Variants in FBN2 observed in about 807,000 individuals in gnomAD.
FBN2 encodes fibrillin-2.
FBN2 carries 105 observed loss-of-function variants against 355.6 expected under a neutral mutation model. The ratio of observed to expected loss-of-function variants is 0.30; its 90% CI spans 0.25 to 0.35. The LOEUF is 0.35. Among genes scored for constraint, FBN2 ranks in the 10% least tolerant of loss-of-function variants. The probability of loss-of-function intolerance (pLI) is 1.00; values close to 1 mark genes in which losing one functional copy is unlikely to be tolerated. For missense variants in FBN2, 3,280 were observed against 3,758.7 expected, an observed-to-expected ratio of 0.87 and a Z score of 3.33; for synonymous variants, 1,350 against 1,301.2, an observed-to-expected ratio of 1.04 and a Z score of -0.81.
At chr5:128,298,127 T>C (rs1400244071) in intron 48 of FBN2, among the ~76,000 whole-genome samples, 6,389 of 151,640 alleles carry the variant, frequency 0.042, 423 homozygotes, top group African/African-American at 0.14. Context: ...AAATTCTGGG[T>C]TGAAAATTCT....
intron 5 of FBN2, among the ~76,000 whole-genome samples, chr5:128,484,201 T>C (rs1036216680): frequency 6.6e-6 from 1 of 152,252 alleles, no homozygotes; most frequent in African/African-American, 2.4e-5. Context: ...CAAGTCCTTC[T>C]AAGTTATTAC....
In FBN2 at chr5:128,350,949, T is replaced by C. The variant is rs368766120; in HGVS notation, c.2731A>G (p.Ile911Val). The change falls in exon 21 of 65, where the codon ATT (isoleucine) becomes GTT (valine). Residue 911 changes from isoleucine (I) to valine (V), a missense_variant. Physicochemically the swap from Ile to Val is conservative, Grantham distance 29. Coordinates refer to ENST00000262464, the MANE Select transcript of FBN2 (RefSeq NM_001999.4). ...NIQDSRCEVN[I>V]NGATLKSECC... Reference sequence around the variant, plus strand: ...TCAGATTTCAGAGTGGCTCCATTAATATTCACCTCACAGCGGCTGTCCTGG... The same window carrying C: ...TCAGATTTCAGAGTGGCTCCATTAACATTCACCTCACAGCGGCTGTCCTGG... The C allele has an allele frequency of 6.8e-6, 11 of 1,614,054 alleles. No individual in the cohort carries two copies. The highest frequency in any genetic ancestry group is 9.3e-6 in the Non-Finnish European group (11 of 1,180,040).
At chr5:128,479,976 C>CTATATATATA (rs200921131) in intron 5 of FBN2, among the ~76,000 whole-genome samples, 2 of 29,064 alleles carry the variant, frequency 6.9e-5, no homozygotes, top group Non-Finnish European at 1.2e-4. Flanking sequence ...CTCTCTCTCT[C>CTATATATATA]TATATATATA....
intron 5 of FBN2, among the ~76,000 whole-genome samples, chr5:128,482,133 AT>A (rs1755210262): frequency 6.6e-6 from 1 of 152,202 alleles, no homozygotes; most frequent in African/African-American, 2.4e-5. Context: ...TATAGAGCTC[AT>A]AAAAACCATA....
intron 5 of FBN2, among the ~76,000 whole-genome samples, chr5:128,488,573 C>T (rs748268696): frequency 5.3e-5 from 8 of 151,814 alleles, no homozygotes; most frequent in Non-Finnish European, 7.4e-5. Flanking sequence ...CATATGCATA[C>T]ATGTGCCATG....
intron 5 of FBN2, among the ~76,000 whole-genome samples, chr5:128,489,235 G>A (rs939110921): frequency 1.3e-5 from 2 of 152,108 alleles, no homozygotes; most frequent in African/African-American, 4.8e-5. Flanking sequence ...AAGTTTGTTA[G>A]AAATGAATAT....
At chr5:128,471,449 C>A (rs1413104367) in intron 5 of FBN2, among the ~76,000 whole-genome samples, 1 of 152,076 alleles carries the variant, frequency 6.6e-6, no homozygotes, top group Non-Finnish European at 1.5e-5. Context: ...ATCAAATAAA[C>A]TCAAATAACT....
chr5:128,311,216 G>T, intron 39 of FBN2, 84 bp downstream of exon 39: 1 of 1,414,258 alleles, frequency 7.1e-7, no homozygotes, highest in Non-Finnish European at 1.0e-6. Context: ...TTTGTAGAAT[G>T]TGAGGATGGG....
chr5:128,446,342 C>T lies in FBN2; in HGVS notation c.952+139G>A, dbSNP rs561312721. 11 of 898,438 alleles carry T rather than the reference C, an allele frequency of 1.2e-5. No homozygotes were observed. In the South Asian group the frequency reaches 1.4e-4, roughly 11 times the overall value. 55.7% of individuals were successfully genotyped at this position (898,438 alleles called of 1,614,324 possible). A position where few individuals can be genotyped will look rare whatever the true frequency, so the allele number is the denominator to read the frequency against. ...GCTACAATACACAAACACAGAACTA[C>T]TCTAGGCTTAAACCTATGCTTTCAT... On this transcript the variant is annotated intron_variant, in intron 7 of 64. Coordinates refer to ENST00000262464, the MANE Select transcript of FBN2 (RefSeq NM_001999.4).
chr5:128,483,826 G>C (rs1755260046), intron 5 of FBN2, among the ~76,000 whole-genome samples: 1 of 152,150 alleles, frequency 6.6e-6, no homozygotes, highest in African/African-American at 2.4e-5. Context: ...AAATGTTAAA[G>C]TATATAGCAA....
At chr5:128,391,945 A>G in intron 11 of FBN2, 73 bp downstream of exon 11, 1 of 1,380,476 alleles carries the variant, frequency 7.2e-7, no homozygotes, top group Non-Finnish European at 1.0e-6. Context: ...AATCATATTC[A>G]TTCCAATTTG....
intron 63 of FBN2, among the ~76,000 whole-genome samples, chr5:128,263,132 T>C (rs536096602): frequency 3.3e-5 from 5 of 151,688 alleles, no homozygotes; most frequent in Admixed American, 2.0e-4. Flanking sequence ...AAGCATCTGT[T>C]TGTCTCTGGC....
intron 48 of FBN2, among the ~76,000 whole-genome samples, chr5:128,295,197 C>T (rs1481423037): frequency 1.7e-3 from 253 of 148,034 alleles, no homozygotes; most frequent in African/African-American, 6.0e-3. Flanking sequence ...TGATCTATAT[C>T]TCTGTTTTGG....
intron 5 of FBN2, among the ~76,000 whole-genome samples, chr5:128,482,506 C>T (rs1309665435): frequency 6.6e-6 from 1 of 152,068 alleles, no homozygotes; most frequent in Non-Finnish European, 1.5e-5. Context: ...AACCAAGACC[C>T]TTAACTGATA....
rs12521102 is a variant in FBN2, at chr5:128,347,803, G to T, written c.2989+1544C>A. ...AAAATGCTTTTTTTTTTTTGAGACAGAGCCTCACTCTGTTGCCAAGGCTAG... is the reference window on the plus strand; with the variant it reads ...AAAATGCTTTTTTTTTTTTGAGACATAGCCTCACTCTGTTGCCAAGGCTAG... On this transcript the variant is annotated intron_variant, in intron 23 of 64. Transcript: ENST00000262464. 3.4e-4 allele frequency among the ~76,000 whole-genome samples: 51 copies of T among 150,766 alleles called. 1 individual carries two copies. Among genetic ancestry groups the T allele is most frequent in the Admixed American group, 3.3e-3 (50 of 15,138 alleles).
At chr5:128,530,038 A>T (rs1756661938) in intron 3 of FBN2, among the ~76,000 whole-genome samples, 1 of 152,210 alleles carries the variant, frequency 6.6e-6, no homozygotes, top group Admixed American at 6.5e-5. Context: ...TTGAGCAATT[A>T]AATAAACAAT....
chr5:128,462,908 T>C (rs1044710595), intron 6 of FBN2, among the ~76,000 whole-genome samples: 6 of 152,138 alleles, frequency 3.9e-5, no homozygotes, highest in African/African-American at 7.2e-5. Flanking sequence ...GCTTCTACTG[T>C]ATATTAGGCA....
Position 128,537,412 on chromosome 5 carries a change from G to A in FBN2, c.192C>T (p.Arg64=). 1 of 1,609,944 alleles carries A rather than the reference G, an allele frequency of 6.2e-7. No homozygotes were observed. ...GGCTGGCCACTGCGGCACCCTCCTC[G>A]CGATACTCGGGCGCTAGAAACCCGC... The part of the protein sequence containing the change: ...SEGGFLAPEY[R]EEGAAVASRV... Residue 64 remains arginine, a synonymous_variant, in exon 1 of 65, where the codon CGC becomes CGT. Coordinates refer to ENST00000262464, the MANE Select transcript of FBN2 (RefSeq NM_001999.4).
intron 11 of FBN2, among the ~76,000 whole-genome samples, chr5:128,380,293 T>C (rs970774012): frequency 6.6e-6 from 1 of 152,114 alleles, no homozygotes; most frequent in Non-Finnish European, 1.5e-5. Flanking sequence ...GTGTTGAAGA[T>C]CACTTCAATT....
Sources: allele counts gnomAD v4.1 joint callset (sites outside exome capture counted in the v4.1 genomes callset), GRCh38; gene constraint gnomAD v4.1.1; transcripts MANE v1.5; gene names NCBI Gene and HGNC (gene_info 2026-07-23, HGNC 2026-07-21).